The following NRG1 variants were observed in gnomAD, a reference collection of about 807,000 sequenced individuals.
NRG1 encodes neuregulin 1, also known as pro-neuregulin-1, membrane-bound isoform.
NRG1 carries 18 observed loss-of-function variants against 63.8 expected under a neutral mutation model. That is an observed-to-expected ratio of 0.28 (90% CI 0.19 to 0.42). NRG1 has a LOEUF of 0.42. NRG1 is among the 10% of genes least tolerant of loss of function. NRG1 has a pLI of 1.00. For missense variants in NRG1, 762 were observed against 814.7 expected (o/e 0.94, Z 0.79); for synonymous variants, 302 against 301.3 (o/e 1.00, Z -0.02).
At chr8:32,017,256 G>A (rs903008729) in intron 1 of NRG1, among the ~76,000 whole-genome samples, 13 of 152,178 alleles carry the variant, frequency 8.5e-5, no homozygotes, top group South Asian at 4.1e-4. Flanking sequence ...ACATTTAGTC[G>A]TACTCTGTAT....
At chr8:31,918,610 T>G (rs996287757) in intron 1 of NRG1, among the ~76,000 whole-genome samples, 60 of 152,312 alleles carry the variant, frequency 3.9e-4, no homozygotes, top group African/African-American at 1.3e-3. Context: ...TTGCCAGTAT[T>G]TTATTGAGGA....
At chr8:31,778,100 T>C (rs1040621704) in intron 1 of NRG1, among the ~76,000 whole-genome samples, 4 of 152,296 alleles carry the variant, frequency 2.6e-5, no homozygotes, top group East Asian at 1.9e-4. Flanking sequence ...ACCATCCACA[T>C]TGGAAATCAC....
chr8:32,756,487 T>C, exon 9 of NRG1: 3 of 1,613,692 alleles, frequency 1.9e-6, no homozygotes, highest in Non-Finnish European at 2.5e-6. Context: ...CCAATGGGCC[T>C]CACCATCCTA....
chr8:32,264,904 G>T (rs564828257), intron 1 of NRG1, among the ~76,000 whole-genome samples: 2 of 152,126 alleles, frequency 1.3e-5, no homozygotes, highest in Non-Finnish European at 2.9e-5. Context: ...GCCTAGATAT[G>T]CAAAGAAAAA....
At chr8:31,843,690 C>T (rs1410753287) in intron 1 of NRG1, among the ~76,000 whole-genome samples, 2 of 152,104 alleles carry the variant, frequency 1.3e-5, no homozygotes, top group Non-Finnish European at 2.9e-5. Context: ...ACACTTTAAG[C>T]CTTTTAATAC....
intron 1 of NRG1, among the ~76,000 whole-genome samples, chr8:32,474,719 T>A (rs547170078): frequency 6.6e-6 from 1 of 152,144 alleles, no homozygotes; most frequent in East Asian, 1.9e-4. Context: ...TTGGCCGGGA[T>A]GGTCTCGAAC....
chr8:32,381,371 C>A (rs968048472), intron 1 of NRG1, among the ~76,000 whole-genome samples: 3 of 152,130 alleles, frequency 2.0e-5, no homozygotes, highest in Non-Finnish European at 4.4e-5. Context: ...TTGTTACCAT[C>A]TGATTATGTT....
intron 1 of NRG1, among the ~76,000 whole-genome samples, chr8:31,998,533 A>T (rs191001049): frequency 1.2e-3 from 181 of 152,180 alleles, no homozygotes; most frequent in Middle Eastern, 6.8e-3. Flanking sequence ...GACAAATTGT[A>T]GTGCATGCTG....
chr8:32,494,380 CTCTT>C (rs1204372484), intron 1 of NRG1, among the ~76,000 whole-genome samples: 1 of 152,172 alleles, frequency 6.6e-6, no homozygotes, highest in Non-Finnish European at 1.5e-5. Flanking sequence ...ATTTAACCCT[CTCTT>C]TAATGTTTAT....
chr8:32,044,632 T>G (rs1019732629), intron 1 of NRG1, among the ~76,000 whole-genome samples: 2 of 151,682 alleles, frequency 1.3e-5, no homozygotes, highest in African/African-American at 4.8e-5. Flanking sequence ...ATAGTGTAAT[T>G]AAATTAGAAA....
intron 2 of NRG1, among the ~76,000 whole-genome samples, chr8:32,605,332 T>G (rs144006945): frequency 9.9e-4 from 151 of 152,236 alleles, no homozygotes; most frequent in Non-Finnish European, 1.3e-3. Flanking sequence ...ACTACTGATT[T>G]AGGTGATAAA....
chr8:32,560,182 AT>A (rs1836110569), intron 1 of NRG1, among the ~76,000 whole-genome samples: 1 of 151,238 alleles, frequency 6.6e-6, no homozygotes, highest in African/African-American at 2.4e-5. Context: ...AAATTATTTT[AT>A]TTATCTGAGT....
intron 4 of NRG1, among the ~76,000 whole-genome samples, chr8:32,616,213 A>G (rs1314530292): frequency 2.0e-5 from 3 of 150,006 alleles, no homozygotes; most frequent in Non-Finnish European, 4.4e-5. Flanking sequence ...TTCTTCTTTT[A>G]TCTTTGCTAC....
chr8:32,747,732 G>GTATATATATATATATATATATATATA lies in NRG1; in HGVS notation c.691+5000_691+5025dup, dbSNP rs35663919. ...TGTTTGTGTGCATATATGTGTGTGT[G>GTATATATATATATATATATATATATA]TATATATATATATATATATATATAT... On this transcript the variant is annotated intron_variant, in intron 7 of 11. Coordinates refer to ENST00000356819, the Ensembl canonical transcript of NRG1. 3.2e-4 allele frequency among the ~76,000 whole-genome samples: 42 copies of GTATATATATATATATATATATATATA among 132,092 alleles called. 1 individual carries two copies. Among genetic ancestry groups the GTATATATATATATATATATATATATA allele is most frequent in the African/African-American group, 1.2e-3 (41 of 33,670 alleles). The allele number at this position is 132,092 out of a possible 152,430, so 86.7% of individuals were successfully genotyped here.
At chr8:31,895,362 G>T (rs1341591925) in intron 1 of NRG1, among the ~76,000 whole-genome samples, 2 of 152,188 alleles carry the variant, frequency 1.3e-5, no homozygotes, top group Non-Finnish European at 2.9e-5. Context: ...TCTCCTTTTG[G>T]CTTGAGTACC....
intron 1 of NRG1, among the ~76,000 whole-genome samples, chr8:31,898,824 C>T (rs1831822380): frequency 6.6e-6 from 1 of 152,186 alleles, no homozygotes; most frequent in South Asian, 2.1e-4. Context: ...TCCACATTAA[C>T]ATTACTAGCA....
intron 5 of NRG1, among the ~76,000 whole-genome samples, chr8:32,622,808 C>T (rs555019004): frequency 2.6e-5 from 4 of 152,284 alleles, no homozygotes; most frequent in African/African-American, 9.6e-5. Context: ...TTAAGATGGT[C>T]CCTTCATGTA....
chr8:32,438,960 T>A (rs1417687456), intron 1 of NRG1, among the ~76,000 whole-genome samples: 1 of 152,164 alleles, frequency 6.6e-6, no homozygotes, highest in East Asian at 1.9e-4. Context: ...TTTACAAATA[T>A]TTTCTCCCAG....
At chr8:31,815,151 ATGT>A (rs1823312842) in intron 1 of NRG1, among the ~76,000 whole-genome samples, 1 of 152,160 alleles carries the variant, frequency 6.6e-6, no homozygotes, top group African/African-American at 2.4e-5. Flanking sequence ...TGCATCTATA[ATGT>A]TGTGGAACTA....
Sources: gnomAD v4.1 joint callset for allele counts (sites outside exome capture counted in the v4.1 genomes callset) on GRCh38, gnomAD v4.1.1 for gene constraint, MANE v1.5 for transcripts, NCBI Gene and HGNC (gene_info 2026-07-23, HGNC 2026-07-21) for gene names.